Variants in RNF115 observed in about 807,000 individuals in gnomAD.
RNF115 encodes ring finger protein 115.
RNF115 carries 31 observed loss-of-function variants against 39.2 expected under a neutral mutation model. The observed-to-expected ratio is 0.79, with a 90% CI of 0.59 to 1.07. RNF115 has a LOEUF of 1.07. Among genes scored for constraint, RNF115 ranks in the 50% least tolerant of loss-of-function variants. The pLI, the probability that RNF115 is intolerant of heterozygous loss-of-function variation, is 0.00. For synonymous variants in RNF115, 124 were observed against 131.0 expected, an observed-to-expected ratio of 0.95 and a Z score of 0.37; for missense variants, 384 against 381.7, an observed-to-expected ratio of 1.01 and a Z score of -0.05.
chr1:145,804,499 G>GCACACACA (rs35848173), intron 1 of RNF115, among the ~76,000 whole-genome samples: 1 of 148,438 alleles, frequency 6.7e-6, no homozygotes, highest in South Asian at 2.2e-4. Context: ...ATGCATGCAT[G>GCACACACA]CACACACACA....
rs781959130 is a variant in RNF115, at chr1:145,784,560, G to A, written c.198C>T (p.Thr66=). ...TTACCTCTGCAAAATGTGTTGTTGTGGTATTGTCTATCCGACTGCCGCCAC... is the reference window on the plus strand; with the variant it reads ...TTACCTCTGCAAAATGTGTTGTTGTAGTATTGTCTATCCGACTGCCGCCAC... The part of the protein sequence containing the change: ...LGGGGSRIDN[T]TTTHFAELWG... The change falls in exon 3 of 9, where the codon ACC becomes ACT. Residue 66 remains threonine (T), a synonymous_variant. Coordinates refer to ENST00000582693, the MANE Select transcript of RNF115 (RefSeq NM_014455.4). The A allele has an allele frequency of 1.2e-6, 2 of 1,613,628 alleles. No homozygotes were observed. Among genetic ancestry groups the A allele is most frequent in the Non-Finnish European group, 1.7e-6 (2 of 1,179,826 alleles).
intron 1 of RNF115, among the ~76,000 whole-genome samples, chr1:145,819,469 A>T (rs1353783838): frequency 1.3e-5 from 2 of 151,930 alleles, no homozygotes; most frequent in Non-Finnish European, 2.9e-5. Flanking sequence ...AATGAAAAAT[A>T]AAAAACTTAC....
In RNF115 at chr1:145,746,897, T is replaced by C. The variant is rs1341359552; in HGVS notation, c.884A>G (p.Asp295Gly). The change falls in exon 9 of 9, where the codon GAC (aspartate) becomes GGC (glycine). Residue 295 changes from aspartate (D) to glycine (G), a missense_variant. By Grantham distance (94) the Asp-to-Gly change is moderately conservative. Transcript: ENST00000582693. ...AGTCCATCGGTCATGTAGCTGACTG[T>C]CATTGCTAAATCTGTTGCTTGCAGA... Reference protein sequence around the residue: ...EASASNRFSNDSQLHDRWTF With the variant: ...EASASNRFSNGSQLHDRWTF The C allele has an allele frequency of 1.9e-6, 3 of 1,614,042 alleles. No homozygotes were observed. The highest frequency in any genetic ancestry group is 2.5e-6 in the Non-Finnish European group (3 of 1,180,026).
intron 1 of RNF115, among the ~76,000 whole-genome samples, chr1:145,793,139 T>TGA (rs1553719228): frequency 6.6e-6 from 1 of 152,168 alleles, no homozygotes; most frequent in Non-Finnish European, 1.5e-5. Context: ...GGCAACATAG[T>TGA]GAGACCTTGT....
intron 1 of RNF115, among the ~76,000 whole-genome samples, chr1:145,821,972 A>G (rs1212702985): frequency 6.7e-6 from 1 of 148,916 alleles, no homozygotes; most frequent in Non-Finnish European, 1.5e-5. Context: ...TGCTCTTCCC[A>G]GCACTGAAAT....
Position 145,779,180 on chromosome 1 carries a change from T to A in RNF115, c.219+5359A>T, listed in dbSNP as rs587757139. 7.9e-5 allele frequency among the ~76,000 whole-genome samples: 12 copies of A among 151,854 alleles called. 1 individual carries two copies. In the South Asian group the frequency reaches 2.5e-3, roughly 32 times the overall value. ...TTAAAGAATATGAAGTCCTAATTTT[T>A]TTTTTTTTTTTGGAGACAGGGTCTC... On this transcript the variant is annotated intron_variant, in intron 3 of 8. Coordinates refer to ENST00000582693, the MANE Select transcript of RNF115 (RefSeq NM_014455.4).
At chr1:145,752,606 T>TTTTTTTTTA (rs1658133365) in intron 5 of RNF115, among the ~76,000 whole-genome samples, 3 of 129,304 alleles carry the variant, frequency 2.3e-5, no homozygotes, top group Admixed American at 8.1e-5. Context: ...TTTTTTTTTT[T>TTTTTTTTTA]GAGACAGGGT....
At chr1:145,811,409 A>C (rs1649697486) in intron 1 of RNF115, among the ~76,000 whole-genome samples, 1 of 143,168 alleles carries the variant, frequency 7.0e-6, no homozygotes, top group Non-Finnish European at 1.5e-5. Context: ...GTTGTACTTG[A>C]GTTTTATTTG....
rs1467473929 is a variant in RNF115 at position 145,743,339 on chromosome 1, G to C, written c.*3527C>G. ...AAGACCTCAGTCTTTTCCTGCCTCT[G>C]AACTGGAACAGAAACATCAGCTCTT... On this transcript the variant is annotated 3_prime_UTR_variant, in exon 9 of 9. Coordinates refer to ENST00000582693, the MANE Select transcript of RNF115 (RefSeq NM_014455.4). The C allele has an allele frequency of 1.3e-5, 2 of 152,164 alleles. No individual in the cohort carries two copies. The highest frequency in any genetic ancestry group is 2.9e-5 in the Non-Finnish European group (2 of 68,106). The allele number at this position is 152,164 out of a possible 1,614,324, so 9.4% of individuals were successfully genotyped here. A position where few individuals can be genotyped will look rare whatever the true frequency, so the allele number is the denominator to read the frequency against.
chr1:145,793,842 CT>C (rs11304765), intron 1 of RNF115, among the ~76,000 whole-genome samples: 238 of 135,800 alleles, frequency 1.8e-3, no homozygotes, highest in Middle Eastern at 3.9e-3. Context: ...TACCCTCTTT[CT>C]TTTTTTTTTT....
intron 1 of RNF115, among the ~76,000 whole-genome samples, chr1:145,793,333 A>G (rs587673372): frequency 1.3e-5 from 2 of 152,324 alleles, no homozygotes; most frequent in South Asian, 4.1e-4. Flanking sequence ...TAATAACAAT[A>G]ATATATGCAA....
intron 4 of RNF115, among the ~76,000 whole-genome samples, chr1:145,767,260 G>A (rs1553715105): frequency 6.9e-6 from 1 of 144,652 alleles, no homozygotes; most frequent in African/African-American, 2.6e-5. Context: ...CTCAGACGGT[G>A]TGGCTGCCCG....
intron 7 of RNF115, among the ~76,000 whole-genome samples, chr1:145,748,421 A>C (rs782742763): frequency 6.6e-6 from 1 of 152,180 alleles, no homozygotes; most frequent in Non-Finnish European, 1.5e-5. Context: ...GGCTTAGATG[A>C]TCTGCTCAGT....
chr1:145,770,645 G>A (rs587595533), intron 4 of RNF115, among the ~76,000 whole-genome samples: 2 of 71,406 alleles, frequency 2.8e-5, no homozygotes, highest in Admixed American at 3.4e-4. Flanking sequence ...TCCACCAACG[G>A]CTGTTACTTT....
chr1:145,777,211 T>C (rs1350529576), intron 3 of RNF115, among the ~76,000 whole-genome samples: 1 of 152,188 alleles, frequency 6.6e-6, no homozygotes, highest in South Asian at 2.1e-4. Flanking sequence ...AAAGTAACCA[T>C]TAGTTTCATT....
At position 145,744,087 on chromosome 1, in the gene RNF115, G is replaced by A. The variant is rs1553711308; in HGVS notation, c.*2779C>T. The A allele has an allele frequency of 6.6e-6, 1 of 152,364 alleles. No individual in the cohort carries two copies. Among genetic ancestry groups the A allele is most frequent in the African/African-American group, 2.4e-5 (1 of 41,464 alleles). 9.4% of individuals were successfully genotyped at this position (152,364 alleles called of 1,614,324 possible). On this transcript the variant is annotated 3_prime_UTR_variant, in exon 9 of 9. Transcript: ENST00000582693. ...GTACTTTGTTTCCACCCTTTTTAAA[G>A]GTACTCAGATCCTTTCTAGTTCTCT...
chr1:145,800,861 T>C (rs1374401748), intron 1 of RNF115, among the ~76,000 whole-genome samples: 1 of 152,092 alleles, frequency 6.6e-6, no homozygotes, highest in African/African-American at 2.4e-5. Context: ...AATCAGAACA[T>C]TGCCCAAGGG....
At chr1:145,795,677 T>C (rs782105667) in intron 1 of RNF115, among the ~76,000 whole-genome samples, 1 of 152,184 alleles carries the variant, frequency 6.6e-6, no homozygotes, top group African/African-American at 2.4e-5. Context: ...CACAGGAACA[T>C]GACACTTAAG....
intron 1 of RNF115, among the ~76,000 whole-genome samples, chr1:145,797,186 T>C (rs587716001): frequency 6.6e-6 from 1 of 152,308 alleles, no homozygotes; most frequent in African/African-American, 2.4e-5. Context: ...TTCCTGCATG[T>C]AGTTACAGTT....
Sources: gnomAD v4.1 joint callset for allele counts (sites outside exome capture counted in the v4.1 genomes callset) on GRCh38, gnomAD v4.1.1 for gene constraint, MANE v1.5 for transcripts, NCBI Gene and HGNC (gene_info 2026-07-23, HGNC 2026-07-21) for gene names.